The following ENOX1 variants were observed in gnomAD, a reference collection of about 807,000 sequenced individuals.
ENOX1 encodes ecto-NOX disulfide-thiol exchanger 1, also known as candidate growth-related and time keeping constitutive hydroquinone (NADH) oxidase.
Under a neutral mutation model 82.5 loss-of-function variants are expected in ENOX1, and 42 were observed. The observed-to-expected ratio is 0.51, with a 90% CI of 0.40 to 0.66. ENOX1 has a LOEUF of 0.66. Among genes scored for constraint, ENOX1 ranks in the 30% least tolerant of loss-of-function variants. ENOX1 has a pLI of 0.00. For missense variants in ENOX1, 608 were observed against 811.6 expected (o/e 0.75, Z 3.05); for synonymous variants, 271 against 282.2 (o/e 0.96, Z 0.40).
chr13:43,538,086 C>T lies in ENOX1; in HGVS notation c.-218-53934G>A, dbSNP rs553797912. Among the ~76,000 whole-genome samples the T allele has an allele frequency of 9.8e-5, 15 of 152,342 alleles. No individual in the cohort carries two copies. The East Asian group carries it at 2.1e-3, about 22-fold the overall frequency. On this transcript the variant is annotated intron_variant, in intron 2 of 16. Coordinates refer to ENST00000690772, the MANE Select transcript of ENOX1 (RefSeq NM_001347969.2). Reference sequence around the variant, plus strand: ...GCTAGCTGATCTCCCTCAGCCTGTACCAGGGTTCAACCCATCTGATCAGGC... The same window carrying T: ...GCTAGCTGATCTCCCTCAGCCTGTATCAGGGTTCAACCCATCTGATCAGGC...
chr13:43,714,402 T>A (rs1284057732), intron 1 of ENOX1, among the ~76,000 whole-genome samples: 1 of 152,146 alleles, frequency 6.6e-6, no homozygotes, highest in East Asian at 1.9e-4. Flanking sequence ...TGATTTGGGG[T>A]GGAGAGTTCT....
intron 14 of ENOX1, among the ~76,000 whole-genome samples, chr13:43,242,048 C>G (rs1046397930): frequency 7.2e-5 from 11 of 152,194 alleles, no homozygotes; most frequent in African/African-American, 2.7e-4. Flanking sequence ...TGTTGCAAAG[C>G]TTCTTGAATA....
intron 5 of ENOX1, among the ~76,000 whole-genome samples, chr13:43,368,003 A>G (rs1407274718): frequency 6.6e-6 from 1 of 152,236 alleles, no homozygotes; most frequent in Non-Finnish European, 1.5e-5. Context: ...ATGGTTACAT[A>G]TTTGTTAAGA....
At chr13:43,450,475 C>T (rs765572428) in intron 3 of ENOX1, among the ~76,000 whole-genome samples, 1 of 152,144 alleles carries the variant, frequency 6.6e-6, no homozygotes, top group Non-Finnish European at 1.5e-5. Context: ...TGCCAGACCA[C>T]ACTGGGCTAC....
intron 11 of ENOX1, among the ~76,000 whole-genome samples, chr13:43,312,125 T>A (rs950244888): frequency 2.0e-5 from 3 of 152,196 alleles, no homozygotes; most frequent in Non-Finnish European, 4.4e-5. Context: ...GCTCACCTGA[T>A]CATTATTTGG....
At chr13:43,592,597 G>A (rs897449900) in intron 2 of ENOX1, among the ~76,000 whole-genome samples, 12 of 152,128 alleles carry the variant, frequency 7.9e-5, no homozygotes, top group Non-Finnish European at 1.6e-4. Flanking sequence ...TTTTACATCA[G>A]AATGCAAAAC....
intron 11 of ENOX1, among the ~76,000 whole-genome samples, chr13:43,299,552 G>T (rs879860805): frequency 6.6e-6 from 1 of 152,134 alleles, no homozygotes; most frequent in Admixed American, 6.5e-5. Context: ...ATCCCACAAA[G>T]TAAGTAGCAG....
At chr13:43,627,511 C>T (rs2083017902) in intron 2 of ENOX1, among the ~76,000 whole-genome samples, 1 of 151,852 alleles carries the variant, frequency 6.6e-6, no homozygotes, top group East Asian at 1.9e-4. Context: ...CTATAGAAAC[C>T]CTATCTACTT....
intron 2 of ENOX1, among the ~76,000 whole-genome samples, chr13:43,630,880 T>C (rs374255913): frequency 2.4e-4 from 18 of 74,446 alleles, no homozygotes; most frequent in South Asian, 6.1e-4. Flanking sequence ...CACACATATA[T>C]ATACACATAT....
At position 43,355,921 on chromosome 13, in the gene ENOX1, T is replaced by TTG. The variant is rs2050120995; in HGVS notation, c.820_821insCA (p.Lys274ThrfsTer23). 6.2e-7 allele frequency: 1 copy of TTG among 1,611,694 alleles called. No individual in the cohort carries two copies. Among genetic ancestry groups the TTG allele is most frequent in the African/African-American group, 1.3e-5 (1 of 74,900 alleles). On this transcript the variant is annotated frameshift_variant, in exon 8 of 17. Coordinates refer to ENST00000690772, the MANE Select transcript of ENOX1 (RefSeq NM_001347969.2). LOFTEE classifies it high-confidence loss of function. ...AAGCCAGCGTGGGTGGCCCATACCT[T>TTG]TCAGCTTTTCAGCCAGCAGAGCGGC...
chr13:43,613,933 A>G (rs1238662703), intron 2 of ENOX1, among the ~76,000 whole-genome samples: 5 of 149,362 alleles, frequency 3.3e-5, no homozygotes, highest in Non-Finnish European at 6.0e-5. Context: ...GACTCTCTCA[A>G]AAAAAAAATA....
In ENOX1 at chr13:43,657,769, C is replaced by T. The variant is rs186429790; in HGVS notation, c.-219+9710G>A. 9.2e-5 allele frequency among the ~76,000 whole-genome samples: 14 copies of T among 152,314 alleles called. No homozygotes were observed. In the East Asian group the frequency reaches 2.3e-3, roughly 25 times the overall value. On this transcript the variant is annotated intron_variant, in intron 2 of 16. Transcript: ENST00000690772. ...TCTTTCCAGTTGAGTCAAATATCGT[C>T]TTTTACTGGCATCCAGGCTACCTAT... is the stretch of plus-strand genomic sequence containing the variant.
chr13:43,520,619 C>T (rs1288450540), intron 2 of ENOX1, among the ~76,000 whole-genome samples: 4 of 152,242 alleles, frequency 2.6e-5, no homozygotes, highest in South Asian at 2.1e-4. Context: ...CACCATCACA[C>T]GAACCATGCA....
chr13:43,448,860 G>C (rs1225285255), intron 3 of ENOX1, among the ~76,000 whole-genome samples: 5 of 152,214 alleles, frequency 3.3e-5, no homozygotes, highest in Admixed American at 3.3e-4. Flanking sequence ...GGACGCAACT[G>C]AGTTTAAAAC....
intron 2 of ENOX1, among the ~76,000 whole-genome samples, chr13:43,485,989 T>A (rs933702065): frequency 6.6e-6 from 1 of 152,040 alleles, no homozygotes; most frequent in Non-Finnish European, 1.5e-5. Context: ...GGTGGGTGGA[T>A]CATGAGGTCA....
chr13:43,447,153 C>T (rs774557775), intron 3 of ENOX1, among the ~76,000 whole-genome samples: 7 of 152,168 alleles, frequency 4.6e-5, no homozygotes, highest in Admixed American at 6.5e-5. Context: ...TTAAATAACA[C>T]ATTGCAAATG....
At chr13:43,323,432 T>G (rs1472701377) in intron 10 of ENOX1, among the ~76,000 whole-genome samples, 1 of 152,254 alleles carries the variant, frequency 6.6e-6, no homozygotes, top group Non-Finnish European at 1.5e-5. Context: ...CAAGGCTGTT[T>G]ACATGTAGTA....
At chr13:43,721,361 T>A (rs2088561005) in intron 1 of ENOX1, among the ~76,000 whole-genome samples, 1 of 146,820 alleles carries the variant, frequency 6.8e-6, no homozygotes, top group African/African-American at 2.5e-5. Flanking sequence ...GAAAAAGCTT[T>A]TATATATTTT....
intron 9 of ENOX1, among the ~76,000 whole-genome samples, chr13:43,328,802 T>G (rs749936381): frequency 9.2e-5 from 14 of 152,240 alleles, no homozygotes; most frequent in African/African-American, 2.7e-4. Context: ...GTTATTACCA[T>G]ATCCCAAGGC....
Sources: allele counts gnomAD v4.1 joint callset (sites outside exome capture counted in the v4.1 genomes callset), GRCh38; gene constraint gnomAD v4.1.1; transcripts MANE v1.5; gene names NCBI Gene and HGNC (gene_info 2026-07-23, HGNC 2026-07-21).